ADAM32: variants seen among roughly 807,000 people sequenced by gnomAD.
ADAM32 encodes the protein ADAM metallopeptidase domain 32.
Under a neutral mutation model 114.9 loss-of-function variants are expected in ADAM32, and 89 were observed. The ratio of observed to expected loss-of-function variants is 0.77; its 90% confidence interval spans 0.65 to 0.92. The LOEUF is 0.92. ADAM32 is among the 40% of genes least tolerant of loss of function. The pLI is 0.00. For synonymous variants in ADAM32, 285 were observed against 307.5 expected (o/e 0.93, Z 0.77); for missense variants, 870 against 932.8 (o/e 0.93, Z 0.88).
Position 39,254,405 on chromosome 8 carries a change from T to G in ADAM32, c.1903-9T>G. On this transcript the variant is annotated splice_polypyrimidine_tract_variant and intron_variant, in intron 17 of 24. Transcript: ENST00000379907. Reference sequence around the variant, plus strand: ...AAAACAATCATTTAATTTTTCAAAATGATCCTAGGTGTGTGATTCCAGAAA... The same window carrying G: ...AAAACAATCATTTAATTTTTCAAAAGGATCCTAGGTGTGTGATTCCAGAAA... The G allele has an allele frequency of 6.4e-7, 1 of 1,568,190 alleles. No homozygotes were observed. Among genetic ancestry groups the G allele is most frequent in the Non-Finnish European group, 8.7e-7 (1 of 1,152,752 alleles).
chr8:39,245,085 A>G (rs1415618327), intron 16 of ADAM32, among the ~76,000 whole-genome samples: 1 of 152,040 alleles, frequency 6.6e-6, no homozygotes, highest in Non-Finnish European at 1.5e-5. Context: ...AGTGGCTAAG[A>G]AAATGTGGTA....
At chr8:39,268,440 C>A (rs901602955) in intron 19 of ADAM32, among the ~76,000 whole-genome samples, 1 of 152,076 alleles carries the variant, frequency 6.6e-6, no homozygotes, top group African/African-American at 2.4e-5. Context: ...TCATATTTTT[C>A]AAATCTTTTG....
chr8:39,277,621 G>T (rs1479088986), intron 22 of ADAM32, among the ~76,000 whole-genome samples: 3 of 152,188 alleles, frequency 2.0e-5, no homozygotes, highest in African/African-American at 7.2e-5. Flanking sequence ...GTGCAGGAGC[G>T]CTGGAACCAG....
intron 10 of ADAM32, among the ~76,000 whole-genome samples, chr8:39,177,532 G>A (rs550762015): frequency 1.3e-4 from 20 of 152,262 alleles, no homozygotes; most frequent in African/African-American, 4.6e-4. Flanking sequence ...GTTGTTCTGT[G>A]TGAATTTGAT....
intron 10 of ADAM32, 93 bp downstream of exon 10, chr8:39,170,090 T>G (rs936780726): frequency 3.3e-5 from 32 of 970,960 alleles, no homozygotes; most frequent in Non-Finnish European, 2.1e-5. Context: ...TGTGCATGTT[T>G]CCATTTACAG....
intron 3 of ADAM32, among the ~76,000 whole-genome samples, chr8:39,145,115 G>T (rs1224320679): frequency 1.3e-5 from 2 of 152,170 alleles, no homozygotes; most frequent in African/African-American, 4.8e-5. Flanking sequence ...CCAAGGAGGT[G>T]AAAGATCTGT....
intron 10 of ADAM32, among the ~76,000 whole-genome samples, chr8:39,185,881 C>CT (rs35894360): frequency 0.25 from 37,059 of 148,064 alleles, 4,743 homozygotes; most frequent in Non-Finnish European, 0.29. Context: ...GTCATTAAAA[C>CT]TTTTTTTTTT....
intron 11 of ADAM32, among the ~76,000 whole-genome samples, chr8:39,189,580 C>T (rs188982432): frequency 1.1e-4 from 16 of 152,004 alleles, no homozygotes; most frequent in South Asian, 6.3e-4. Flanking sequence ...TTAGAATATC[C>T]GTCCTCTCAA....
intron 16 of ADAM32, among the ~76,000 whole-genome samples, chr8:39,238,780 A>G (rs779469985): frequency 2.6e-5 from 4 of 152,124 alleles, no homozygotes; most frequent in Non-Finnish European, 5.9e-5. Context: ...TGCAAAATAC[A>G]CTGGAAAGTT....
intron 14 of ADAM32, among the ~76,000 whole-genome samples, chr8:39,228,816 C>A (rs1321265993): frequency 1.3e-5 from 2 of 152,186 alleles, no homozygotes; most frequent in South Asian, 4.1e-4. Flanking sequence ...CATCCAAATA[C>A]AAGAAGCACA....
chr8:39,166,202 C>G (rs1804826800), intron 9 of ADAM32: 1 of 152,162 alleles, frequency 6.6e-6, no homozygotes, highest in Non-Finnish European at 1.5e-5. Flanking sequence ...CCCCACCTCC[C>G]ACTCTTCCCC....
At chr8:39,170,555 AAAC>A (rs1287995475) in intron 10 of ADAM32, among the ~76,000 whole-genome samples, 2 of 152,056 alleles carry the variant, frequency 1.3e-5, no homozygotes, top group Non-Finnish European at 2.9e-5. Context: ...ATTTTTAAAA[AAAC>A]AAGTTTAAGT....
chr8:39,230,682 A>G (rs1207380099), intron 14 of ADAM32, among the ~76,000 whole-genome samples: 1 of 152,142 alleles, frequency 6.6e-6, no homozygotes. Flanking sequence ...ATGGGCCAAT[A>G]TCAAAGATGG....
At chr8:39,243,757 A>G (rs1248297437) in intron 16 of ADAM32, among the ~76,000 whole-genome samples, 9 of 152,254 alleles carry the variant, frequency 5.9e-5, no homozygotes, top group East Asian at 1.9e-4. Flanking sequence ...TCTATTCAAC[A>G]TAGTACTGGA....
chr8:39,139,685 A>G (rs1000157532), intron 3 of ADAM32, among the ~76,000 whole-genome samples: 2 of 152,138 alleles, frequency 1.3e-5, no homozygotes, highest in African/African-American at 4.8e-5. Flanking sequence ...TATGAACTTT[A>G]AAGTATTTTT....
chr8:39,237,615 C>T (rs1012668056), intron 16 of ADAM32, among the ~76,000 whole-genome samples: 1 of 152,144 alleles, frequency 6.6e-6, no homozygotes, highest in East Asian at 1.9e-4. Context: ...GGCTTTCCCC[C>T]ACTTCCCTGG....
At chr8:39,263,824 A>G (rs76575227) in intron 19 of ADAM32, among the ~76,000 whole-genome samples, 33,659 of 152,116 alleles carry the variant, frequency 0.22, 3,938 homozygotes, top group East Asian at 0.29. Context: ...TTTCTATACC[A>G]TAGCTAATAT....
At chr8:39,140,855 T>G (rs975760387) in intron 3 of ADAM32, among the ~76,000 whole-genome samples, 3 of 152,228 alleles carry the variant, frequency 2.0e-5, no homozygotes, top group African/African-American at 7.2e-5. Context: ...ATTCAGAGAT[T>G]CAACTTCTTC....
upstream of ADAM32, chr8:39,107,651 G>C: frequency 1.3e-6 from 2 of 1,498,786 alleles, no homozygotes; most frequent in Non-Finnish European, 8.9e-7. Context: ...CCCCGTCTCC[G>C]GGGCCTCCGG....
Sources: gnomAD v4.1 joint callset for allele counts (sites outside exome capture counted in the v4.1 genomes callset) on GRCh38, gnomAD v4.1.1 for gene constraint, MANE v1.5 for transcripts, NCBI Gene and HGNC (gene_info 2026-07-23, HGNC 2026-07-21) for gene names.